DUSP26: variants seen among roughly 807,000 people sequenced by gnomAD.
DUSP26 encodes dual specificity phosphatase 26, also known as dual specificity protein phosphatase 26.
A neutral mutation model predicts 20.0 loss-of-function variants in DUSP26; 12 were observed. The ratio of observed to expected loss-of-function variants is 0.60; its 90% CI spans 0.38 to 0.97. DUSP26 has a LOEUF of 0.97. Among genes scored for constraint, DUSP26 ranks in the 50% least tolerant of loss-of-function variants. The probability of loss-of-function intolerance (pLI) is 0.00; values close to 1 mark genes in which losing one functional copy is unlikely to be tolerated. For synonymous variants in DUSP26, 120 were observed against 118.8 expected (o/e 1.01, Z -0.06); for missense variants, 230 against 294.0 (o/e 0.78, Z 1.59).
chr8:33,597,270 T>C (rs369030554), intron 2 of DUSP26, 25 bp downstream of exon 2: 7 of 1,589,078 alleles, frequency 4.4e-6, no homozygotes, highest in Non-Finnish European at 6.0e-6. Flanking sequence ...CGCTCTACCG[T>C]GGGCCCAGTC....
chr8:33,593,488 T>C, intron 3 of DUSP26, 45 bp downstream of exon 3: 1 of 1,590,408 alleles, frequency 6.3e-7, no homozygotes, highest in Non-Finnish European at 8.6e-7. Context: ...CTTCCCCAAA[T>C]TCCAGGCACC....
At chr8:33,594,099 C>G (rs1031930051) in intron 2 of DUSP26, among the ~76,000 whole-genome samples, 1 of 151,654 alleles carries the variant, frequency 6.6e-6, no homozygotes. Context: ...GGATGACAGA[C>G]GTGAGCTACC....
Position 33,592,213 on chromosome 8 carries a change from C to A in DUSP26, c.437-1G>T. On this transcript the variant is annotated splice_acceptor_variant, in intron 3 of 3. Coordinates refer to ENST00000256261, the MANE Select transcript of DUSP26 (RefSeq NM_024025.3). LOFTEE classifies it high-confidence loss of function. The stretch of plus-strand genomic sequence containing the variant: ...ACAGCACAATGCACCAGGATCTTCC[C>A]TGAGAGGAGAGACACAGAGAGAGCT... 1 of 1,600,718 alleles carries A rather than the reference C, an allele frequency of 6.2e-7. No individual in the cohort carries two copies. The highest frequency in any genetic ancestry group is 8.5e-7 in the Non-Finnish European group (1 of 1,174,026).
intron 1 of DUSP26, 194 bp from the exon 2 acceptor site, chr8:33,597,785 C>T (rs139726127): frequency 4.8e-5 from 18 of 376,754 alleles, no homozygotes; most frequent in Non-Finnish European, 6.3e-5. Flanking sequence ...TGCCACGAAA[C>T]GAGGTGGGAG....
At chr8:33,597,882 T>TAC (rs150976098) in intron 1 of DUSP26, 21,733 of 152,820 alleles carry the variant, frequency 0.14, 1,682 homozygotes, top group Middle Eastern at 0.16. Context: ...CCAGCACGCA[T>TAC]ACACACACAC....
Position 33,591,708 on chromosome 8 carries a change from G to A in DUSP26, c.*305C>T, listed in dbSNP as rs1811021967. The A allele has an allele frequency of 7.7e-6, 3 of 390,308 alleles. No individual in the cohort carries two copies. The highest frequency in any genetic ancestry group is 2.9e-5 in the South Asian group (1 of 34,234). 24.2% of individuals were successfully genotyped at this position (390,308 alleles called of 1,614,324 possible). A position where few individuals can be genotyped will look rare whatever the true frequency, so the allele number is the denominator to read the frequency against. On this transcript the variant is annotated 3_prime_UTR_variant, in exon 4 of 4. Transcript: ENST00000256261. ...TTGGGCACAAAGAGGGGAAGGGACT[G>A]TGAATCCCAGGGAGCACCCTGGCCA...
chr8:33,592,538 C>CAAAAA (rs745687703), intron 3 of DUSP26, among the ~76,000 whole-genome samples: 5 of 23,768 alleles, frequency 2.1e-4, no homozygotes, highest in South Asian at 2.4e-3. Context: ...AACCCCATCT[C>CAAAAA]AAAAAAAAAA....
In DUSP26 at chr8:33,593,714, G is replaced by A; in HGVS notation, c.255C>T (p.Arg85=). ...DMANNRRELR[R]LGITHVLNAS... The stretch of plus-strand genomic sequence containing the variant: ...CATTGAGGACGTGCGTGATGCCCAG[G>A]CGGCGAAGCTCCCGGCGGTTGTTAG... Residue 85 remains arginine (R), a synonymous_variant, in exon 3 of 4, where the codon CGC becomes CGT. Transcript: ENST00000256261. 6.2e-7 allele frequency: 1 copy of A among 1,614,234 alleles called. No individual in the cohort carries two copies. The highest frequency in any genetic ancestry group is 8.5e-7 in the Non-Finnish European group (1 of 1,180,044).
Position 33,591,408 on chromosome 8 carries a change from G to C in DUSP26, c.*605C>G, listed in dbSNP as rs1199468839. 6.5e-6 allele frequency: 1 copy of C among 152,734 alleles called. No individual in the cohort carries two copies. Among genetic ancestry groups the C allele is most frequent in the Non-Finnish European group, 1.5e-5 (1 of 68,116 alleles). 9.5% of individuals were successfully genotyped at this position (152,734 alleles called of 1,614,324 possible). A position where few individuals can be genotyped will look rare whatever the true frequency, so the allele number is the denominator to read the frequency against. On this transcript the variant is annotated 3_prime_UTR_variant, in exon 4 of 4. Transcript: ENST00000256261. ...TGACAATTTCAAGACTGCCAGCCAT[G>C]CACCTCTGTATGTTTTTGGCCCAAG...
At chr8:33,597,181 A>G (rs1811167009) in intron 2 of DUSP26, 114 bp downstream of exon 2, 5 of 1,085,750 alleles carry the variant, frequency 4.6e-6, no homozygotes, top group African/African-American at 3.2e-5. Context: ...TATCCCCTCA[A>G]TCTTCAACCA....
chr8:33,595,693 T>A (rs757717035), intron 2 of DUSP26, among the ~76,000 whole-genome samples: 54 of 152,216 alleles, frequency 3.5e-4, no homozygotes, highest in Middle Eastern at 3.4e-3. Context: ...TTACCCTGTT[T>A]TATGACGTCA....
In DUSP26 at chr8:33,591,837, C is replaced by A; in HGVS notation, c.*176G>T. The A allele has an allele frequency of 2.8e-6, 2 of 726,802 alleles. No homozygotes were observed. The highest frequency in any genetic ancestry group is 3.8e-5 in the South Asian group (2 of 52,852). The allele number at this position is 726,802 out of a possible 1,614,324, so 45.0% of individuals were successfully genotyped here. ...GGTGCCCATCCACCACACTGCCCAA[C>A]CTCACTCCCCGTCCCCTCCCACAAA... On this transcript the variant is annotated 3_prime_UTR_variant, in exon 4 of 4. Transcript: ENST00000256261.
In DUSP26 at chr8:33,593,764, T is replaced by A; in HGVS notation, c.222-17A>T. On this transcript the variant is annotated splice_polypyrimidine_tract_variant and intron_variant, in intron 2 of 3. Coordinates refer to ENST00000256261, the MANE Select transcript of DUSP26 (RefSeq NM_024025.3). ...GCCATGTCCCTGCATTGAGTAGAGG[T>A]TAGAGGAAGGGTGGGAAAGCCAGGT... 1.2e-6 allele frequency: 2 copies of A among 1,608,560 alleles called. No homozygotes were observed. Among genetic ancestry groups the A allele is most frequent in the Non-Finnish European group, 1.7e-6 (2 of 1,175,394 alleles).
chr8:33,597,879 G>GCACACACACACA, intron 1 of DUSP26: 2 of 85,710 alleles, frequency 2.3e-5, no homozygotes, highest in Non-Finnish European at 4.1e-5. Context: ...CTGCCAGCAC[G>GCACACACACACA]CATACACACA....
rs1811232043 is a variant in DUSP26 at position 33,599,877 on chromosome 8, AT to A, written c.-290del. ...GTGACATAAAGGGACTCGGTCTCAC[AT>A]TCGGTGGCCCGAGTCGCCAGGCAGC... On this transcript the variant is annotated 5_prime_UTR_variant, in exon 1 of 4. In the 5' UTR this introduces an upstream ATG that the reference lacks. Coordinates refer to ENST00000256261, the MANE Select transcript of DUSP26 (RefSeq NM_024025.3). The A allele has an allele frequency of 6.6e-6, 1 of 152,136 alleles. No individual in the cohort carries two copies. The allele number at this position is 152,136 out of a possible 1,614,324, so 9.4% of individuals were successfully genotyped here. A position where few individuals can be genotyped will look rare whatever the true frequency, so the allele number is the denominator to read the frequency against.
chr8:33,592,885 A>G (rs889181206), intron 3 of DUSP26, among the ~76,000 whole-genome samples: 1 of 152,162 alleles, frequency 6.6e-6, no homozygotes, highest in Non-Finnish European at 1.5e-5. Context: ...ATATATATAT[A>G]TGTATATGGA....
rs970637588 is a variant in DUSP26, at chr8:33,599,995, G to A, written c.-407C>T. 1.3e-5 allele frequency: 2 copies of A among 152,216 alleles called. No homozygotes were observed. The highest frequency in any genetic ancestry group is 2.9e-5 in the Non-Finnish European group (2 of 68,050). 9.4% of individuals were successfully genotyped at this position (152,216 alleles called of 1,614,324 possible). ...CCCAGCAGCACCGCCTGGAATGCAT[G>A]CGTGTGTTCTCAGAGCTGCACCAAT... is the stretch of plus-strand genomic sequence containing the variant. On this transcript the variant is annotated 5_prime_UTR_variant, in exon 1 of 4. Coordinates refer to ENST00000256261, the MANE Select transcript of DUSP26 (RefSeq NM_024025.3).
intron 3 of DUSP26, 27 bp downstream of exon 3, chr8:33,593,506 T>C: frequency 6.2e-7 from 1 of 1,604,824 alleles, no homozygotes; most frequent in Non-Finnish European, 8.5e-7. Context: ...ACCCTGTTCT[T>C]TCCTGCTCCC....
intron 1 of DUSP26, among the ~76,000 whole-genome samples, chr8:33,599,338 G>GTTT (rs1811219499): frequency 6.6e-6 from 1 of 152,168 alleles, no homozygotes; most frequent in East Asian, 1.9e-4. Flanking sequence ...GTTTTTCCCG[G>GTTT]GGGATGCAGA....
Sources: allele counts gnomAD v4.1 joint callset (sites outside exome capture counted in the v4.1 genomes callset), GRCh38; gene constraint gnomAD v4.1.1; transcripts MANE v1.5; gene names NCBI Gene and HGNC (gene_info 2026-07-23, HGNC 2026-07-21).